Variants in ARHGAP25 observed in about 807,000 individuals in gnomAD.
The protein encoded by ARHGAP25 is Rho GTPase activating protein 25, also known as rho GTPase-activating protein 25.
In ARHGAP25, 34 loss-of-function variants were observed where a neutral mutation model predicts 71.0. That is an observed-to-expected ratio of 0.48 (90% CI 0.36 to 0.64). The LOEUF is 0.64. ARHGAP25 is among the 30% of genes least tolerant of loss of function. The pLI, the probability that ARHGAP25 is intolerant of heterozygous loss-of-function variation, is 0.00. For missense variants in ARHGAP25, 706 were observed against 805.1 expected, an observed-to-expected ratio of 0.88 and a Z score of 1.49; for synonymous variants, 282 against 296.5, an observed-to-expected ratio of 0.95 and a Z score of 0.50.
intron 5 of ARHGAP25, among the ~76,000 whole-genome samples, chr2:68,811,735 G>A (rs1680840175): frequency 6.6e-6 from 1 of 152,140 alleles, no homozygotes; most frequent in South Asian, 2.1e-4. Context: ...TTACAATCAA[G>A]CCCCAGTATT....
At chr2:68,736,525 C>T (rs1450285849) in intron 1 of ARHGAP25, among the ~76,000 whole-genome samples, 1 of 152,156 alleles carries the variant, frequency 6.6e-6, no homozygotes, top group African/African-American at 2.4e-5. Flanking sequence ...GCCTTCTCTC[C>T]ACCTATGTTT....
intron 1 of ARHGAP25, among the ~76,000 whole-genome samples, chr2:68,745,510 C>T (rs1262243394): frequency 6.6e-6 from 1 of 152,174 alleles, no homozygotes; most frequent in East Asian, 1.9e-4. Flanking sequence ...AATTCTCTGG[C>T]CATTTTTCCT....
chr2:68,758,026 A>G (rs1676584162), intron 1 of ARHGAP25, among the ~76,000 whole-genome samples: 1 of 152,090 alleles, frequency 6.6e-6, no homozygotes, highest in Admixed American at 6.5e-5. Context: ...TTAAGTTCAT[A>G]TAAATTTAAA....
intron 1 of ARHGAP25, among the ~76,000 whole-genome samples, chr2:68,743,912 G>A (rs1040549908): frequency 1.1e-4 from 17 of 152,260 alleles, no homozygotes; most frequent in African/African-American, 4.1e-4. Flanking sequence ...TAGGTGCTTT[G>A]TATGTTTCTT....
chr2:68,814,997 TA>T (rs1398370384), intron 6 of ARHGAP25, among the ~76,000 whole-genome samples: 1 of 152,220 alleles, frequency 6.6e-6, no homozygotes, highest in Non-Finnish European at 1.5e-5. Context: ...AAAAGGCAGC[TA>T]AAAAGATAAA....
At position 68,746,703 on chromosome 2, in the gene ARHGAP25, A is replaced by ACCC. The variant is rs370621628; in HGVS notation, c.61+11447_61+11449dup. Reference sequence around the variant, plus strand: ...GGGCATGGGTTTAAAGACAGGGACCACCCCCCTCCCCATCCCCACAGGGCC... The same window carrying ACCC: ...GGGCATGGGTTTAAAGACAGGGACCACCCCCCCCCTCCCCATCCCCACAGGGCC... On this transcript the variant is annotated intron_variant, in intron 1 of 10. Coordinates refer to ENST00000409202, the MANE Select transcript of ARHGAP25 (RefSeq NM_001007231.3). Among the ~76,000 whole-genome samples the ACCC allele has an allele frequency of 7.6e-3, 1,057 of 139,550 alleles. 5 individuals are homozygous for ACCC. Among genetic ancestry groups the ACCC allele is most frequent in the South Asian group, 0.023 (96 of 4,252 alleles). The allele number at this position is 139,550 out of a possible 152,430, so 91.6% of individuals were successfully genotyped here.
chr2:68,789,705 T>A (rs147642425), intron 4 of ARHGAP25, among the ~76,000 whole-genome samples: 30 of 152,334 alleles, frequency 2.0e-4, no homozygotes, highest in African/African-American at 7.0e-4. Flanking sequence ...GGATGTTGCC[T>A]AATCATGCAC....
chr2:68,822,248 A>G, intron 9 of ARHGAP25, 92 bp from the exon 10 acceptor site: 1 of 1,241,902 alleles, frequency 8.1e-7, no homozygotes, highest in Non-Finnish European at 1.1e-6. Flanking sequence ...CTACCAGGAA[A>G]CTTTTGTTTT....
chr2:68,740,167 G>A (rs1271811548), intron 1 of ARHGAP25, among the ~76,000 whole-genome samples: 3 of 152,138 alleles, frequency 2.0e-5, no homozygotes, highest in Admixed American at 1.3e-4. Context: ...ACAGCTATGG[G>A]AGTCCCAGAT....
At chr2:68,739,572 C>G (rs1334846399) in intron 1 of ARHGAP25, among the ~76,000 whole-genome samples, 4 of 152,206 alleles carry the variant, frequency 2.6e-5, no homozygotes, top group African/African-American at 7.2e-5. Context: ...AGGAAAGAAT[C>G]TGGCATGAAG....
intron 4 of ARHGAP25, among the ~76,000 whole-genome samples, chr2:68,794,789 G>A (rs531483847): frequency 1.3e-5 from 2 of 152,234 alleles, no homozygotes; most frequent in South Asian, 2.1e-4. Flanking sequence ...TGACCCTGCA[G>A]AGTGAGTTAG....
intron 1 of ARHGAP25, among the ~76,000 whole-genome samples, chr2:68,736,015 A>C (rs999643546): frequency 6.6e-6 from 1 of 152,234 alleles, no homozygotes; most frequent in Admixed American, 6.5e-5. Context: ...AGTAATTCAC[A>C]TCAGAGCAAT....
intron 1 of ARHGAP25, among the ~76,000 whole-genome samples, chr2:68,745,395 C>G (rs1488728928): frequency 6.6e-6 from 1 of 152,184 alleles, no homozygotes; most frequent in East Asian, 1.9e-4. Context: ...AGTGAGCCAC[C>G]ATTCCATTGG....
intron 2 of ARHGAP25, among the ~76,000 whole-genome samples, chr2:68,723,298 T>C (rs7564096): frequency 0.26 from 38,878 of 152,098 alleles, 5,408 homozygotes; most frequent in East Asian, 0.47. Context: ...AAAGTGAAGT[T>C]CCCTAATCGG....
At chr2:68,711,316 A>G (rs964126918) in intron 2 of ARHGAP25, among the ~76,000 whole-genome samples, 8 of 152,176 alleles carry the variant, frequency 5.3e-5, no homozygotes, top group African/African-American at 1.9e-4. Context: ...CTTTGCTAAG[A>G]TAAATTTTGG....
intron 1 of ARHGAP25, among the ~76,000 whole-genome samples, chr2:68,741,877 A>G (rs1385006830): frequency 6.6e-6 from 1 of 152,254 alleles, no homozygotes; most frequent in Non-Finnish European, 1.5e-5. Flanking sequence ...TCTTCAGTAC[A>G]TTCAGACCAG....
intron 1 of ARHGAP25, among the ~76,000 whole-genome samples, chr2:68,760,131 T>C: frequency 6.6e-6 from 1 of 152,006 alleles, no homozygotes; most frequent in East Asian, 1.9e-4. Context: ...TCGACAAGAT[T>C]CAACATTCTT....
intron 1 of ARHGAP25, among the ~76,000 whole-genome samples, chr2:68,754,957 T>C (rs892886829): frequency 5.3e-5 from 8 of 152,174 alleles, no homozygotes; most frequent in Non-Finnish European, 1.2e-4. Context: ...GATCTGCAAA[T>C]ATTTTCTCCT....
chr2:68,777,385 C>T (rs1241105273), intron 2 of ARHGAP25, among the ~76,000 whole-genome samples: 1 of 152,170 alleles, frequency 6.6e-6, no homozygotes, highest in African/African-American at 2.4e-5. Context: ...TAAAATTAGA[C>T]AATACTACCT....
Sources: gnomAD v4.1 joint callset for allele counts (sites outside exome capture counted in the v4.1 genomes callset) on GRCh38, gnomAD v4.1.1 for gene constraint, MANE v1.5 for transcripts, NCBI Gene and HGNC (gene_info 2026-07-23, HGNC 2026-07-21) for gene names.